KIAA1671: variants seen among roughly 807,000 people sequenced by gnomAD.
KIAA1671 encodes the protein uncharacterized protein KIAA1671.
Under a neutral mutation model 131.2 loss-of-function variants are expected in KIAA1671, and 52 were observed. The observed-to-expected ratio is 0.40, with a 90% CI of 0.32 to 0.50. The LOEUF is 0.50. KIAA1671 is among the 20% of genes least tolerant of loss of function. KIAA1671 has a pLI of 0.73. For synonymous variants in KIAA1671, 1,003 were observed against 961.6 expected, an observed-to-expected ratio of 1.04 and a Z score of -0.80; for missense variants, 2,360 against 2,364.2, an observed-to-expected ratio of 1.00 and a Z score of 0.04.
rs1254055624 is a variant in KIAA1671 at position 25,196,561 on chromosome 22, A to G, written c.*4160A>G. ...GCAATCCTCTCATCTCCACCTCCAGAGTAGCCTAGATGACAGGCGCACATC... is the reference window on the plus strand; with the variant it reads ...GCAATCCTCTCATCTCCACCTCCAGGGTAGCCTAGATGACAGGCGCACATC... On this transcript the variant is annotated 3_prime_UTR_variant, in exon 13 of 13. Transcript: ENST00000358431. The G allele has an allele frequency of 6.6e-6, 1 of 152,068 alleles. No homozygotes were observed. The highest frequency in any genetic ancestry group is 2.4e-5 in the African/African-American group (1 of 41,380). The allele number at this position is 152,068 out of a possible 1,614,324, so 9.4% of individuals were successfully genotyped here. A position where few individuals can be genotyped will look rare whatever the true frequency, so the allele number is the denominator to read the frequency against.
At chr22:24,973,733 A>G (rs1427976559) in intron 1 of KIAA1671, among the ~76,000 whole-genome samples, 1 of 152,046 alleles carries the variant, frequency 6.6e-6, no homozygotes, top group Non-Finnish European at 1.5e-5. Context: ...TTATCTAATA[A>G]TATCTGTCTC....
intron 10 of KIAA1671, 103 bp downstream of exon 10, chr22:25,181,926 C>T: frequency 7.4e-7 from 1 of 1,344,002 alleles, no homozygotes. Context: ...GCCTGTAATC[C>T]CAGCACTTTG....
intron 11 of KIAA1671, among the ~76,000 whole-genome samples, chr22:25,188,401 T>C (rs866826434): frequency 2.3e-4 from 35 of 152,028 alleles, no homozygotes; most frequent in African/African-American, 6.8e-4. Flanking sequence ...GTATGTCTTA[T>C]GGGCATTGTA....
At chr22:24,991,088 C>G (rs994812759) in intron 1 of KIAA1671, among the ~76,000 whole-genome samples, 2 of 152,188 alleles carry the variant, frequency 1.3e-5, no homozygotes, top group Non-Finnish European at 2.9e-5. Context: ...AGCTTGATCT[C>G]AAGTCACTGC....
Position 25,190,721 on chromosome 22 carries a change from C to G in KIAA1671, c.5362C>G (p.Gln1788Glu). The G allele has an allele frequency of 6.4e-7, 1 of 1,551,816 alleles. No homozygotes were observed. Among genetic ancestry groups the G allele is most frequent in the African/African-American group, 1.4e-5 (1 of 73,158 alleles). ...KDERSDEPSP[Q>E]WLKELKSKKR... ...TTTCAGGTCGGATGAACCCTCTCCC[C>G]AGTGGCTAAAGGAATTGAAATCCAA... Residue 1788 changes from glutamine to glutamate, a missense_variant, in exon 12 of 13, where the codon CAG (glutamine) becomes GAG (glutamate). Physicochemically the swap from Gln to Glu is conservative, Grantham distance 29. Transcript: ENST00000358431.
chr22:25,075,856 A>G (rs947919001), intron 6 of KIAA1671, among the ~76,000 whole-genome samples: 1 of 146,550 alleles, frequency 6.8e-6, no homozygotes, highest in African/African-American at 2.6e-5. Context: ...ACTCACTGCA[A>G]CCTCCTCCTC....
At chr22:25,031,747 C>T (rs1055987267) in intron 3 of KIAA1671, among the ~76,000 whole-genome samples, 11 of 152,206 alleles carry the variant, frequency 7.2e-5, no homozygotes, top group African/African-American at 2.2e-4. Context: ...TATGCTTCCT[C>T]TCACTATGTC....
At chr22:25,093,885 TC>T (rs1930272417) in intron 6 of KIAA1671, among the ~76,000 whole-genome samples, 1 of 138,638 alleles carries the variant, frequency 7.2e-6, no homozygotes, top group Non-Finnish European at 1.6e-5. Flanking sequence ...TCTCTCTCTC[TC>T]CCTTCTGCTT....
At position 25,192,708 on chromosome 22, in the gene KIAA1671, A is replaced by G. The variant is rs1934707358; in HGVS notation, c.*307A>G. On this transcript the variant is annotated 3_prime_UTR_variant, in exon 13 of 13. Coordinates refer to ENST00000358431, the MANE Select transcript of KIAA1671 (RefSeq NM_001145206.2). ...TTTTTATGTAAAAATTTGCATTTCT[A>G]CCTATTTTAGACACCTTCATCAGCT... 6.6e-6 allele frequency: 1 copy of G among 152,096 alleles called. No homozygotes were observed. Among genetic ancestry groups the G allele is most frequent in the African/African-American group, 2.4e-5 (1 of 41,422 alleles). The allele number at this position is 152,096 out of a possible 1,614,324, so 9.4% of individuals were successfully genotyped here.
chr22:25,127,848 G>C (rs1932256597), intron 6 of KIAA1671, among the ~76,000 whole-genome samples: 1 of 152,232 alleles, frequency 6.6e-6, no homozygotes, highest in Non-Finnish European at 1.5e-5. Flanking sequence ...GAGCCCCGTG[G>C]ATTTTCAACA....
intron 1 of KIAA1671, among the ~76,000 whole-genome samples, chr22:25,002,636 C>CCA (rs1175308428): frequency 1.3e-5 from 2 of 152,140 alleles, no homozygotes; most frequent in African/African-American, 4.8e-5. Flanking sequence ...TGTTCTTAGA[C>CCA]CACTTTCTGC....
intron 8 of KIAA1671, chr22:25,174,952 G>A (rs934564663): frequency 7.2e-5 from 11 of 153,464 alleles, no homozygotes; most frequent in African/African-American, 2.7e-4. Flanking sequence ...GGTATCAGGG[G>A]ATCCGACTGT....
chr22:24,976,568 G>A (rs1210422333), intron 1 of KIAA1671, among the ~76,000 whole-genome samples: 2 of 152,154 alleles, frequency 1.3e-5, no homozygotes, highest in Non-Finnish European at 2.9e-5. Context: ...CTGGCCACCT[G>A]CCAGACTTGG....
chr22:25,150,827 G>A (rs1462481483), intron 6 of KIAA1671, among the ~76,000 whole-genome samples: 1 of 127,094 alleles, frequency 7.9e-6, no homozygotes, highest in Non-Finnish European at 1.7e-5. Flanking sequence ...CTGTGTTCTG[G>A]GTCCTTTGCT....
chr22:25,005,162 A>T (rs1924678183), intron 1 of KIAA1671, among the ~76,000 whole-genome samples: 1 of 150,960 alleles, frequency 6.6e-6, no homozygotes, highest in Non-Finnish European at 1.5e-5. Context: ...ATCCTGGCCA[A>T]CATGGTGAAA....
intron 1 of KIAA1671, among the ~76,000 whole-genome samples, chr22:24,973,502 A>G (rs1274602974): frequency 4.7e-5 from 7 of 148,624 alleles, no homozygotes; most frequent in South Asian, 2.1e-4. Flanking sequence ...GGTTCAAGCA[A>G]TTCTGCCTCA....
At chr22:25,005,938 T>G (rs1204177389) in intron 1 of KIAA1671, among the ~76,000 whole-genome samples, 2 of 152,218 alleles carry the variant, frequency 1.3e-5, no homozygotes, top group African/African-American at 4.8e-5. Flanking sequence ...GAACTTTGCA[T>G]GCTCTCCAAC....
intron 3 of KIAA1671, among the ~76,000 whole-genome samples, chr22:25,031,099 C>T (rs1015027089): frequency 2.6e-5 from 4 of 151,952 alleles, no homozygotes; most frequent in Admixed American, 6.6e-5. Flanking sequence ...CAATCTCGGC[C>T]CACTGCAACC....
At chr22:24,996,177 G>T (rs1270288589) in intron 1 of KIAA1671, among the ~76,000 whole-genome samples, 1 of 151,932 alleles carries the variant, frequency 6.6e-6, no homozygotes, top group Non-Finnish European at 1.5e-5. Flanking sequence ...TATGCAGGTG[G>T]CTATGCTAAG....
Sources: allele counts gnomAD v4.1 joint callset (sites outside exome capture counted in the v4.1 genomes callset), GRCh38; gene constraint gnomAD v4.1.1; transcripts MANE v1.5; gene names NCBI Gene and HGNC (gene_info 2026-07-23, HGNC 2026-07-21).